Variants in AGAP1 observed in about 807,000 individuals in gnomAD.
AGAP1 encodes ArfGAP with GTPase domain, ankyrin repeat and PH domain 1.
AGAP1 carries 29 observed loss-of-function variants against 105.3 expected under a neutral mutation model. That is an observed-to-expected ratio of 0.28 (90% CI 0.21 to 0.38). The LOEUF (loss-of-function observed/expected upper bound fraction) is 0.38, where lower values mean the gene tolerates loss of function less well. Ranked by LOEUF, AGAP1 falls within the 10% of genes least tolerant of loss-of-function variation. AGAP1 has a pLI of 1.00. For missense variants in AGAP1, 998 were observed against 1,165.1 expected (o/e 0.86, Z 2.09); for synonymous variants, 509 against 485.9 (o/e 1.05, Z -0.63).
At chr2:235,815,864 G>A (rs1244165052) in intron 9 of AGAP1, among the ~76,000 whole-genome samples, 5 of 152,180 alleles carry the variant, frequency 3.3e-5, no homozygotes, top group East Asian at 1.9e-4. Flanking sequence ...TGTGCAGTGC[G>A]TTTTACAGCT....
chr2:235,560,843 C>T (rs1025419113), intron 1 of AGAP1, among the ~76,000 whole-genome samples: 4 of 152,200 alleles, frequency 2.6e-5, no homozygotes, highest in African/African-American at 7.2e-5. Context: ...TAGATGAGTG[C>T]ACCTCCCCTT....
intron 1 of AGAP1, among the ~76,000 whole-genome samples, chr2:235,503,660 T>C (rs1207470143): frequency 6.6e-6 from 1 of 152,190 alleles, no homozygotes; most frequent in Non-Finnish European, 1.5e-5. Flanking sequence ...AGTGGCACTA[T>C]TGGGGCTCAT....
intron 13 of AGAP1, among the ~76,000 whole-genome samples, chr2:236,031,082 A>G (rs2057208014): frequency 6.6e-6 from 1 of 152,202 alleles, no homozygotes; most frequent in Non-Finnish European, 1.5e-5. Context: ...TATGAGGACA[A>G]AGTTTTTGAG....
intron 9 of AGAP1, among the ~76,000 whole-genome samples, chr2:235,807,802 C>T (rs559051275): frequency 6.6e-6 from 1 of 152,302 alleles, no homozygotes; most frequent in Non-Finnish European, 1.5e-5. Context: ...GCCGGTGTGT[C>T]AGCTGTGCGC....
chr2:235,857,188 C>T (rs986581362), intron 9 of AGAP1, among the ~76,000 whole-genome samples: 1 of 152,160 alleles, frequency 6.6e-6, no homozygotes, highest in Non-Finnish European at 1.5e-5. Flanking sequence ...TGAGCGCTGC[C>T]TCCCGTCAGA....
Position 235,976,622 on chromosome 2 carries a change from C to T in AGAP1, c.1645+7999C>T, listed in dbSNP as rs760245732. Among the ~76,000 whole-genome samples the T allele has an allele frequency of 1.3e-5, 2 of 152,168 alleles. No individual in the cohort carries two copies. Among genetic ancestry groups the T allele is most frequent in the Non-Finnish European group, 2.9e-5 (2 of 68,030 alleles). On this transcript the variant is annotated intron_variant, in intron 13 of 17. Coordinates refer to ENST00000304032, the MANE Select transcript of AGAP1 (RefSeq NM_001037131.3). The surrounding 1 kb of genome is among the most constrained non-coding windows in gnomAD (Gnocchi z 4.5). ...AAATGTTCATTGAGCACCTACTGCA[C>T]GCAAGAGTTTTGTCTGATGCTGGAT...
Position 235,799,467 on chromosome 2 carries a change from C to T in AGAP1, c.902C>T (p.Ala301Val). The T allele has an allele frequency of 6.2e-7, 1 of 1,614,208 alleles. No individual in the cohort carries two copies. Among genetic ancestry groups the T allele is most frequent in the Admixed American group, 1.7e-5 (1 of 60,028 alleles). ...CTTCGGATCGATGTTCCTCCCACTGCCAACACGCCCACGCCCGTTCGCAAG... is the reference window on the plus strand; with the variant it reads ...CTTCGGATCGATGTTCCTCCCACTGTCAACACGCCCACGCCCGTTCGCAAG... ...KELRIDVPPT[A>V]NTPTPVRKQS... Residue 301 changes from alanine (A) to valine (V), a missense_variant, in exon 8 of 18, where the codon GCC (alanine) becomes GTC (valine). Ala to Val is a moderately conservative substitution (Grantham distance 64). This residue lies in a region of AGAP1 where 735 missense variants were observed against 833.4 expected (regional missense o/e 0.88). Coordinates refer to ENST00000304032, the MANE Select transcript of AGAP1 (RefSeq NM_001037131.3). This position sits in a 1 kb window ranked among gnomAD's most constrained non-coding sequence, Gnocchi z 5.0.
intron 5 of AGAP1, among the ~76,000 whole-genome samples, chr2:235,749,314 TG>T (rs1366876132): frequency 1.3e-5 from 2 of 151,608 alleles, no homozygotes; most frequent in African/African-American, 4.9e-5. Context: ...CACGTGCCAC[TG>T]TAACTCAATA....
intron 1 of AGAP1, among the ~76,000 whole-genome samples, chr2:235,704,554 G>A (rs566208937): frequency 6.6e-6 from 1 of 152,226 alleles, no homozygotes; most frequent in African/African-American, 2.4e-5. Flanking sequence ...GCTGAGGCAG[G>A]AGAATCTCTT....
chr2:235,852,781 G>A, intron 9 of AGAP1: 7 of 1,532,864 alleles, frequency 4.6e-6, no homozygotes, highest in Non-Finnish European at 6.2e-6. Flanking sequence ...CAGGGCCGAG[G>A]GGTGGTCAGA....
At chr2:235,966,041 C>G (rs1260441798) in intron 12 of AGAP1, among the ~76,000 whole-genome samples, 1 of 141,254 alleles carries the variant, frequency 7.1e-6, no homozygotes, top group African/African-American at 2.7e-5. Context: ...GCCTTTTCCT[C>G]TGGGGATGGA....
rs531025580 is a variant in AGAP1, at chr2:235,836,374, T to C, written c.1050+29043T>C. Among the ~76,000 whole-genome samples the C allele has an allele frequency of 8.6e-4, 131 of 152,276 alleles. 1 individual carries two copies. The South Asian group carries it at 0.026, about 30-fold the overall frequency. ...TGCTGGTGATGGCCCTGCAGAATCCTTTGGGGGCCGATAGAGGAGAAACAC... is the reference window on the plus strand; with the variant it reads ...TGCTGGTGATGGCCCTGCAGAATCCCTTGGGGGCCGATAGAGGAGAAACAC... On this transcript the variant is annotated intron_variant, in intron 9 of 17. Coordinates refer to ENST00000304032, the MANE Select transcript of AGAP1 (RefSeq NM_001037131.3).
chr2:235,532,797 A>G (rs1239475300), intron 1 of AGAP1, among the ~76,000 whole-genome samples: 1 of 152,190 alleles, frequency 6.6e-6, no homozygotes, highest in Non-Finnish European at 1.5e-5. Context: ...GCGTGGGTGC[A>G]GTGGGCAGTG....
At chr2:235,923,724 C>T (rs577050730) in intron 11 of AGAP1, among the ~76,000 whole-genome samples, 1 of 152,272 alleles carries the variant, frequency 6.6e-6, no homozygotes, top group South Asian at 2.1e-4. Flanking sequence ...CGTGATGTAC[C>T]TACAGTGATG....
rs1299821366 is a variant in AGAP1 at position 236,009,689 on chromosome 2, G to T, written c.1646-26872G>T. On this transcript the variant is annotated intron_variant, in intron 13 of 17. Coordinates refer to ENST00000304032, the MANE Select transcript of AGAP1 (RefSeq NM_001037131.3). This position sits in a 1 kb window ranked among gnomAD's most constrained non-coding sequence, Gnocchi z 4.2. ...CAACCCATCCCCTTCCTCCATGGAG[G>T]TAAAAAGATCCTATTAGTTCTCATA... 6.6e-6 allele frequency among the ~76,000 whole-genome samples: 1 copy of T among 152,108 alleles called. No homozygotes were observed. The highest frequency in any genetic ancestry group is 1.5e-5 in the Non-Finnish European group (1 of 68,018).
rs182438040 is a variant in AGAP1 at position 235,787,690 on chromosome 2, G to A, written c.674-10069G>A. ...GAGGGATGCTATAAAGCATAGTAAAGAAACCTTCCTTGACACATTAAAGGG... is the reference window on the plus strand; with the variant it reads ...GAGGGATGCTATAAAGCATAGTAAAAAAACCTTCCTTGACACATTAAAGGG... On this transcript the variant is annotated intron_variant, in intron 6 of 17. Transcript: ENST00000304032. The surrounding 1 kb of genome is among the most constrained non-coding windows in gnomAD (Gnocchi z 4.4). Among the ~76,000 whole-genome samples the A allele has an allele frequency of 6.0e-4, 92 of 152,138 alleles. 3 individuals carry two copies. Among genetic ancestry groups the A allele is most frequent in the Middle Eastern group, 6.8e-3 (2 of 294 alleles).
chr2:236,102,599 A>T (rs1050634124), intron 16 of AGAP1, among the ~76,000 whole-genome samples: 3 of 151,362 alleles, frequency 2.0e-5, no homozygotes, highest in African/African-American at 7.3e-5. Flanking sequence ...AAAAAAAAAA[A>T]AAGAAAGAAA....
In AGAP1 at chr2:235,791,298, C is replaced by T. The variant is rs576942520; in HGVS notation, c.674-6461C>T. Among the ~76,000 whole-genome samples, 34 of 152,276 alleles carry T rather than the reference C, an allele frequency of 2.2e-4. No homozygotes were observed. The East Asian group carries it at 6.0e-3, about 27-fold the overall frequency. The stretch of plus-strand genomic sequence containing the variant: ...ACTGTGATTTAAAATGGAGTTGAGA[C>T]GTTAGGGGATCTTTTATTTGTTACT... On this transcript the variant is annotated intron_variant, in intron 6 of 17. Coordinates refer to ENST00000304032, the MANE Select transcript of AGAP1 (RefSeq NM_001037131.3).
At chr2:235,852,318 C>T (rs2048501996) in intron 9 of AGAP1, among the ~76,000 whole-genome samples, 1 of 152,112 alleles carries the variant, frequency 6.6e-6, no homozygotes, top group African/African-American at 2.4e-5. Flanking sequence ...CTATTGTCTG[C>T]GTCTGCGTTT....
Sources: gnomAD v4.1 joint callset for allele counts (sites outside exome capture counted in the v4.1 genomes callset) on GRCh38, gnomAD v4.1.1 for gene constraint, gnomAD v4.1.1 regional missense constraint, Gnocchi (gnomAD v3.1) non-coding constraint, MANE v1.5 for transcripts, NCBI Gene and HGNC (gene_info 2026-07-23, HGNC 2026-07-21) for gene names.